The following GEM variants were observed in gnomAD, a reference collection of about 807,000 sequenced individuals.
GEM encodes GTP binding protein overexpressed in skeletal muscle, also known as GTP-binding protein GEM.
A neutral mutation model predicts 33.0 loss-of-function variants in GEM; 31 were observed. The ratio of observed to expected loss-of-function variants is 0.94; its 90% CI spans 0.71 to 1.27. The LOEUF is 1.27. Among genes scored for constraint, GEM ranks in the 50% most tolerant of loss-of-function variants. The pLI, the probability that GEM is intolerant of heterozygous loss-of-function variation, is 0.00. For missense variants in GEM, 354 were observed against 390.5 expected (o/e 0.91, Z 0.79); for synonymous variants, 141 against 143.7 (o/e 0.98, Z 0.13).
chr8:94,260,225 G>A lies in GEM; in HGVS notation c.279C>T (p.Asn93=). 6.2e-7 allele frequency: 1 copy of A among 1,612,576 alleles called. No individual in the cohort carries two copies. Among genetic ancestry groups the A allele is most frequent in the Non-Finnish European group, 8.5e-7 (1 of 1,178,652 alleles). The change falls in exon 2 of 5, where the codon AAC becomes AAT. Residue 93 remains asparagine, a synonymous_variant. Coordinates refer to ENST00000297596, the MANE Select transcript of GEM (RefSeq NM_005261.4). ...TGCTGTCATGCACACCTGCAAAGAT[G>A]TTGGCCAGAGTGGACTTGCCCACCC... The part of the protein sequence containing the change: ...EQGVGKSTLA[N]IFAGVHDSMD...
chr8:94,254,477 T>A (rs1405203837), intron 2 of GEM, among the ~76,000 whole-genome samples: 1 of 152,160 alleles, frequency 6.6e-6, no homozygotes, highest in Non-Finnish European at 1.5e-5. Context: ...GGATTGATAA[T>A]AGTACTCACA....
In GEM at chr8:94,252,253, T is replaced by G. The variant is rs561782821; in HGVS notation, c.409-30A>C. 1.5e-5 allele frequency: 21 copies of G among 1,425,478 alleles called. No individual in the cohort carries two copies. The South Asian group carries it at 2.2e-4, about 15-fold the overall frequency. The allele number at this position is 1,425,478 out of a possible 1,614,324, so 88.3% of individuals were successfully genotyped here. On this transcript the variant is annotated intron_variant, in intron 3 of 4. Coordinates refer to ENST00000297596, the MANE Select transcript of GEM (RefSeq NM_005261.4). ...TGAAACAATAAGATCTTCTGTGAGTTCAGTTAGGCCTGGGGAATAAAGCAT... is the reference window on the plus strand; with the variant it reads ...TGAAACAATAAGATCTTCTGTGAGTGCAGTTAGGCCTGGGGAATAAAGCAT...
intron 4 of GEM, among the ~76,000 whole-genome samples, chr8:94,251,267 A>G (rs1808763727): frequency 6.6e-6 from 1 of 152,236 alleles, no homozygotes; most frequent in Non-Finnish European, 1.5e-5. Context: ...CTCAATTTCA[A>G]GTATTTCATT....
chr8:94,256,172 C>A (rs554786460), intron 2 of GEM, among the ~76,000 whole-genome samples: 1 of 151,602 alleles, frequency 6.6e-6, no homozygotes, highest in Non-Finnish European at 1.5e-5. Flanking sequence ...CTAACCTTGA[C>A]GTCTCCTCTT....
intron 1 of GEM, among the ~76,000 whole-genome samples, chr8:94,260,954 GC>G (rs1262666022): frequency 9.2e-5 from 14 of 152,272 alleles, no homozygotes; most frequent in Middle Eastern, 3.4e-3. Context: ...TCTAAACTTG[GC>G]TCTTAATTGC....
intron 4 of GEM, 67 bp downstream of exon 4, chr8:94,251,952 C>T (rs1271836959): frequency 8.3e-7 from 1 of 1,204,492 alleles, no homozygotes; most frequent in Non-Finnish European, 1.2e-6. Context: ...AGGGAAGAAC[C>T]CGTGTCTGAA....
At chr8:94,251,152 TAAAATA>T (rs1472755961) in intron 4 of GEM, among the ~76,000 whole-genome samples, 1 of 152,078 alleles carries the variant, frequency 6.6e-6, no homozygotes, top group Non-Finnish European at 1.5e-5. Flanking sequence ...TCCTCTCTTT[TAAAATA>T]AAAATAAAAA....
chr8:94,251,434 T>A (rs1281104892), intron 4 of GEM, among the ~76,000 whole-genome samples: 1 of 100,554 alleles, frequency 9.9e-6, no homozygotes, highest in African/African-American at 3.6e-5. Flanking sequence ...GTATTTTAGT[T>A]TTATAATTGT....
intron 1 of GEM, chr8:94,260,795 C>G (rs1809006035): frequency 3.2e-6 from 1 of 310,042 alleles, no homozygotes; most frequent in Non-Finnish European, 6.0e-6. Flanking sequence ...ATGGGCTTCC[C>G]CCTTCCTCAA....
chr8:94,258,199 C>A (rs1453586270), intron 2 of GEM, among the ~76,000 whole-genome samples: 1 of 152,132 alleles, frequency 6.6e-6, no homozygotes, highest in Non-Finnish European at 1.5e-5. Flanking sequence ...GAATATTACC[C>A]TCTGGATACA....
chr8:94,259,198 A>C (rs1401298444), intron 2 of GEM, among the ~76,000 whole-genome samples: 1 of 152,294 alleles, frequency 6.6e-6, no homozygotes, highest in Middle Eastern at 3.4e-3. Flanking sequence ...AGAAGAATAA[A>C]ACCTCCAGAT....
chr8:94,257,549 C>T (rs1808917090), intron 2 of GEM, among the ~76,000 whole-genome samples: 1 of 152,162 alleles, frequency 6.6e-6, no homozygotes, highest in African/African-American at 2.4e-5. Context: ...CAGCACTCTC[C>T]TTACACCACT....
At chr8:94,260,592 T>A in intron 1 of GEM, 80 bp from the exon 2 acceptor site, 2 of 745,480 alleles carry the variant, frequency 2.7e-6, no homozygotes, top group Non-Finnish European at 4.3e-6. Context: ...CAGTCATCAG[T>A]AATATTTTAT....
chr8:94,261,283 A>G (rs1809018032), intron 1 of GEM, among the ~76,000 whole-genome samples: 1 of 152,154 alleles, frequency 6.6e-6, no homozygotes, highest in Admixed American at 6.5e-5. Flanking sequence ...CAGACCTATG[A>G]AATTTGCAGA....
chr8:94,255,001 G>A (rs1337849663), intron 2 of GEM, among the ~76,000 whole-genome samples: 1 of 152,154 alleles, frequency 6.6e-6, no homozygotes, highest in East Asian at 1.9e-4. Context: ...ATTAGACAAC[G>A]CAAGGGAGAC....
chr8:94,257,673 A>G (rs1286584212), intron 2 of GEM, among the ~76,000 whole-genome samples: 1 of 152,206 alleles, frequency 6.6e-6, no homozygotes, highest in Non-Finnish European at 1.5e-5. Flanking sequence ...GCATGTCCCC[A>G]GAGTGCCTCA....
intron 2 of GEM, among the ~76,000 whole-genome samples, chr8:94,257,864 TAA>T (rs763584978): frequency 4.1e-5 from 6 of 145,504 alleles, no homozygotes; most frequent in South Asian, 2.2e-4. Flanking sequence ...AATGCTGATT[TAA>T]AAAAAAAAAA....
At position 94,262,183 on chromosome 8, in the gene GEM, C is replaced by G. The variant is rs766006457; in HGVS notation, c.-103G>C. ...GGAAACTCCCACTCTCTCCCTTCTC[C>G]GTCTCGGGCCGTCCCCCTTACTTGG... On this transcript the variant is annotated 5_prime_UTR_variant, in exon 1 of 5. Transcript: ENST00000297596. 6.6e-6 allele frequency: 1 copy of G among 152,242 alleles called. No homozygotes were observed. The highest frequency in any genetic ancestry group is 2.4e-5 in the African/African-American group (1 of 41,452). 9.4% of individuals were successfully genotyped at this position (152,242 alleles called of 1,614,324 possible).
At position 94,260,155 on chromosome 8, in the gene GEM, T is replaced by TG; in HGVS notation, c.331+17dup. On this transcript the variant is annotated intron_variant, in intron 2 of 4. Transcript: ENST00000297596. ...CCACCCCTGGTGGAAAGAAGCCCACTGGGGCTGGGACACCTACCTCCCAGC... is the reference window on the plus strand; with the variant it reads ...CCACCCCTGGTGGAAAGAAGCCCACTGGGGGCTGGGACACCTACCTCCCAGC... 6.5e-7 allele frequency: 1 copy of TG among 1,534,114 alleles called. No individual in the cohort carries two copies. The highest frequency in any genetic ancestry group is 9.0e-7 in the Non-Finnish European group (1 of 1,113,064).
Sources: allele counts gnomAD v4.1 joint callset (sites outside exome capture counted in the v4.1 genomes callset), GRCh38; gene constraint gnomAD v4.1.1; transcripts MANE v1.5; gene names NCBI Gene and HGNC (gene_info 2026-07-23, HGNC 2026-07-21).